The following STS variants were observed in gnomAD, a reference collection of about 807,000 sequenced individuals.
The protein encoded by STS is steroid sulfatase, also known as steryl-sulfatase.
A neutral mutation model predicts 26.8 loss-of-function variants in STS; 7 were observed. That is an observed-to-expected ratio of 0.26 (90% confidence interval 0.15 to 0.49). The LOEUF (loss-of-function observed/expected upper bound fraction) is 0.49. Among genes scored for constraint, STS ranks in the 20% least tolerant of loss-of-function variants. The pLI, the probability that STS is intolerant of heterozygous loss-of-function variation, is 0.98. For missense variants in STS, 434 were observed against 465.6 expected, an observed-to-expected ratio of 0.93 and a Z score of 0.63; for synonymous variants, 199 against 189.4, an observed-to-expected ratio of 1.05 and a Z score of -0.42.
chrX:7,236,944 C>T (rs1034908613), intron 2 of STS, among the ~76,000 whole-genome samples: 46 of 108,599 alleles, frequency 4.2e-4, no homozygotes, highest in Non-Finnish European at 8.0e-4. Flanking sequence ...AGGTGGTTGT[C>T]AGCTAAATAG....
chrX:7,156,263 G>T (rs886073488), intron 1 of STS, among the ~76,000 whole-genome samples: 2 of 110,929 alleles, frequency 1.8e-5, no homozygotes, highest in Middle Eastern at 4.7e-3. Flanking sequence ...GCATGTGTGG[G>T]TTTTTTTATT....
chrX:7,320,385 G>A (rs1398278946), intron 8 of STS, among the ~76,000 whole-genome samples: 2 of 109,356 alleles, frequency 1.8e-5, no homozygotes, highest in African/African-American at 6.6e-5. Context: ...ACAATGCCAC[G>A]TTACATCTAG....
intron 10 of STS, among the ~76,000 whole-genome samples, chrX:7,341,926 G>A (rs1379361001): frequency 1.8e-5 from 2 of 110,028 alleles, no homozygotes; most frequent in Non-Finnish European, 3.8e-5. Context: ...ATTCTCCTGT[G>A]CCAGCCTCCC....
intron 1 of STS, among the ~76,000 whole-genome samples, chrX:7,184,012 T>G (rs760299896): frequency 9.6e-6 from 1 of 103,809 alleles, no homozygotes; most frequent in South Asian, 4.3e-4. Flanking sequence ...CAAATAAAAA[T>G]AAAAAAAAAA....
chrX:7,315,717 G>A (rs1350928634), intron 8 of STS, among the ~76,000 whole-genome samples: 1 of 111,443 alleles, frequency 9.0e-6, no homozygotes, highest in Non-Finnish European at 1.9e-5. Context: ...TTCAAGGACA[G>A]GAAGCATCCA....
intron 8 of STS, among the ~76,000 whole-genome samples, chrX:7,312,211 TC>T (rs1411358562): frequency 8.9e-6 from 1 of 111,919 alleles, no homozygotes; most frequent in Admixed American, 9.5e-5. Flanking sequence ...AACTCATCCT[TC>T]CATCTCATCT....
intron 9 of STS, among the ~76,000 whole-genome samples, chrX:7,326,890 G>A (rs1451821715): frequency 9.0e-6 from 1 of 111,329 alleles, no homozygotes; most frequent in East Asian, 2.8e-4. Flanking sequence ...TTTCAACTCT[G>A]CTTTAGGTAT....
intron 7 of STS, among the ~76,000 whole-genome samples, chrX:7,282,012 C>T (rs1426951937): frequency 8.9e-6 from 1 of 112,109 alleles, no homozygotes; most frequent in Non-Finnish European, 1.9e-5. Flanking sequence ...ACTCACAAAA[C>T]GCAGATTAAT....
intron 10 of STS, among the ~76,000 whole-genome samples, chrX:7,344,652 G>A (rs1017357346): frequency 3.6e-5 from 4 of 111,512 alleles, no homozygotes; most frequent in African/African-American, 1.3e-4. Context: ...AAGGTGTTCT[G>A]GAGCGCTTGA....
At chrX:7,188,552 A>G (rs1191968578) in intron 1 of STS, among the ~76,000 whole-genome samples, 1 of 111,418 alleles carries the variant, frequency 9.0e-6, no homozygotes, top group East Asian at 2.8e-4. Context: ...GGGCCTTTAG[A>G]TTTTCCATTG....
At chrX:7,155,789 C>T (rs1224266270) in intron 1 of STS, among the ~76,000 whole-genome samples, 1 of 111,630 alleles carries the variant, frequency 9.0e-6, no homozygotes, top group African/African-American at 3.3e-5. Context: ...TTTTTCTCAT[C>T]AACTTTATAA....
intron 8 of STS, among the ~76,000 whole-genome samples, chrX:7,308,040 A>T (rs1359546291): frequency 1.8e-5 from 2 of 112,407 alleles, no homozygotes; most frequent in Non-Finnish European, 3.8e-5. Flanking sequence ...TTTTCTTTGA[A>T]GGAACTCAAG....
At chrX:7,184,153 A>G (rs1933732904) in intron 1 of STS, among the ~76,000 whole-genome samples, 1 of 112,596 alleles carries the variant, frequency 8.9e-6, no homozygotes, top group African/African-American at 3.2e-5. Flanking sequence ...CCCAATGCAC[A>G]ACAAGGAAGC....
At chrX:7,203,979 C>G (rs1237186459) in intron 2 of STS, among the ~76,000 whole-genome samples, 1 of 110,981 alleles carries the variant, frequency 9.0e-6, no homozygotes, top group African/African-American at 3.3e-5. Context: ...GAGATGGGGT[C>G]TTGCCATCTT....
intron 2 of STS, among the ~76,000 whole-genome samples, chrX:7,223,119 A>G (rs903539503): frequency 8.9e-6 from 1 of 112,014 alleles, no homozygotes; most frequent in Non-Finnish European, 1.9e-5. Flanking sequence ...CGGAATATAT[A>G]TATACCACTT....
At chrX:7,180,023 A>T (rs1190221946) in intron 1 of STS, among the ~76,000 whole-genome samples, 1 of 111,525 alleles carries the variant, frequency 9.0e-6, no homozygotes, top group African/African-American at 3.3e-5. Context: ...TAGTCTTCAG[A>T]TTATAATTCC....
intron 8 of STS, among the ~76,000 whole-genome samples, chrX:7,311,066 T>C (rs1423101634): frequency 8.9e-6 from 1 of 112,022 alleles, no homozygotes; most frequent in Non-Finnish European, 1.9e-5. Context: ...CTTTAACCCC[T>C]ATGTATCCCA....
In STS at chrX:7,257,547, C is replaced by G; in HGVS notation, c.341C>G (p.Ala114Gly). Residue 114 changes from alanine (A) to glycine (G), a missense_variant, in exon 5 of 11, where the codon GCT (alanine) becomes GGT (glycine). Around this residue, in one of 2 missense-constraint regions of STS, gnomAD observed 229 missense variants for 288.3 expected, o/e 0.79. Coordinates refer to ENST00000674429, the MANE Select transcript of STS (RefSeq NM_001320752.2). The part of the protein sequence containing the change: ...GGLPTDEITF[A>G]KLLKDQGYST... Reference sequence around the variant, plus strand: ...CTTCCCACCGATGAGATTACCTTTGCTAAGCTTCTGAAGGATCAAGGTTAT... The same window carrying G: ...CTTCCCACCGATGAGATTACCTTTGGTAAGCTTCTGAAGGATCAAGGTTAT... The G allele has an allele frequency of 1.7e-6, 2 of 1,211,926 alleles. No individual in the cohort carries two copies. The highest frequency in any genetic ancestry group is 2.2e-6 in the Non-Finnish European group (2 of 895,446).
At chrX:7,296,034 G>C (rs910611762) in intron 7 of STS, among the ~76,000 whole-genome samples, 3 of 111,677 alleles carry the variant, frequency 2.7e-5, no homozygotes, top group African/African-American at 9.8e-5. Context: ...TCATAAATAT[G>C]AAGAATTCTG....
Sources: gnomAD v4.1 joint callset for allele counts (sites outside exome capture counted in the v4.1 genomes callset) on GRCh38, gnomAD v4.1.1 for gene constraint, gnomAD v4.1.1 regional missense constraint, MANE v1.5 for transcripts, NCBI Gene and HGNC (gene_info 2026-07-23, HGNC 2026-07-21) for gene names.